TASP1: variants seen among roughly 807,000 people sequenced by gnomAD.
TASP1 encodes taspase 1, also known as threonine aspartase 1.
A neutral mutation model predicts 56.6 loss-of-function variants in TASP1; 16 were observed. The ratio of observed to expected loss-of-function variants is 0.28; its 90% CI spans 0.19 to 0.43. TASP1 has a LOEUF of 0.43. TASP1 is among the 20% of genes least tolerant of loss of function. The pLI, the probability that TASP1 is intolerant of heterozygous loss-of-function variation, is 1.00. For missense variants in TASP1, 393 were observed against 511.6 expected, an observed-to-expected ratio of 0.77 and a Z score of 2.24; for synonymous variants, 179 against 184.2, an observed-to-expected ratio of 0.97 and a Z score of 0.23.
the TASP1 span, among the ~76,000 whole-genome samples, chr20:13,211,578 T>C: frequency 7.2e-5 from 11 of 152,302 alleles, no homozygotes; most frequent in East Asian, 1.5e-3. Flanking sequence ...CACTCAGATG[T>C]TACCGTTATC....
chr20:13,498,681 C>A (rs1165370648), intron 10 of TASP1, among the ~76,000 whole-genome samples: 3 of 143,606 alleles, frequency 2.1e-5, no homozygotes, highest in African/African-American at 7.7e-5. Flanking sequence ...TACAAATGGC[C>A]AACAAACATA....
At chr20:13,322,962 G>A in the TASP1 span, among the ~76,000 whole-genome samples, 1 of 152,148 alleles carries the variant, frequency 6.6e-6, no homozygotes, top group East Asian at 1.9e-4. Flanking sequence ...GAGTCCCTGG[G>A]ATTACTGTAG....
chr20:13,321,739 A>G, the TASP1 span, among the ~76,000 whole-genome samples: 1 of 152,190 alleles, frequency 6.6e-6, no homozygotes, highest in Non-Finnish European at 1.5e-5. Context: ...TATTTTTCAC[A>G]TGTATGTACA....
chr20:13,531,275 TG>T (rs1325799753), intron 9 of TASP1, among the ~76,000 whole-genome samples: 1 of 152,026 alleles, frequency 6.6e-6, no homozygotes, highest in Non-Finnish European at 1.5e-5. Flanking sequence ...GCATGGTAAA[TG>T]GGGAGGTGGG....
chr20:13,198,306 G>A, the TASP1 span, among the ~76,000 whole-genome samples: 12 of 152,206 alleles, frequency 7.9e-5, no homozygotes, highest in African/African-American at 2.4e-4. Flanking sequence ...TGCCAATGTG[G>A]TCGGGTTCTG....
At chr20:13,476,657 T>C (rs1333391347) in intron 11 of TASP1, among the ~76,000 whole-genome samples, 2 of 152,188 alleles carry the variant, frequency 1.3e-5, no homozygotes, top group Non-Finnish European at 2.9e-5. Flanking sequence ...GTATCTTGTA[T>C]ATGCATAGCT....
chr20:13,291,775 A>G, the TASP1 span, among the ~76,000 whole-genome samples: 1 of 152,226 alleles, frequency 6.6e-6, no homozygotes, highest in East Asian at 1.9e-4. Flanking sequence ...TAGCATCCTC[A>G]GTGAGCTAGA....
At chr20:13,445,428 G>C (rs949096405) in intron 11 of TASP1, among the ~76,000 whole-genome samples, 2 of 152,138 alleles carry the variant, frequency 1.3e-5, no homozygotes, top group African/African-American at 4.8e-5. Context: ...AGAATCAGAA[G>C]GCATCTTCTT....
At chr20:13,385,725 G>A (rs2041158729), downstream of TASP1, among the ~76,000 whole-genome samples, 1 of 152,162 alleles carries the variant, frequency 6.6e-6, no homozygotes, top group South Asian at 2.1e-4. Flanking sequence ...GCCAACACAA[G>A]GTGTACTAAG....
At chr20:13,245,120 T>C in the TASP1 span, 76 of 152,362 alleles carry the variant, frequency 5.0e-4, no homozygotes, top group African/African-American at 1.8e-3. Flanking sequence ...TTCCTTCTTG[T>C]ATTGGTTATC....
the TASP1 span, among the ~76,000 whole-genome samples, chr20:13,382,039 C>T: frequency 2.0e-5 from 3 of 152,128 alleles, no homozygotes; most frequent in Admixed American, 6.6e-5. Context: ...TGCCGGCAGC[C>T]TGCTCCTCCT....
the TASP1 span, among the ~76,000 whole-genome samples, chr20:13,352,834 T>C: frequency 6.6e-6 from 1 of 152,220 alleles, no homozygotes; most frequent in Non-Finnish European, 1.5e-5. Flanking sequence ...CACCACTCTC[T>C]ATATCTACAG....
chr20:13,593,689 A>T (rs1216298545), intron 4 of TASP1, among the ~76,000 whole-genome samples: 1 of 152,196 alleles, frequency 6.6e-6, no homozygotes, highest in Non-Finnish European at 1.5e-5. Context: ...AGGTAAACGA[A>T]GTGGCTGGGA....
chr20:13,558,631 A>G (rs1170191238), intron 8 of TASP1, among the ~76,000 whole-genome samples: 1 of 152,114 alleles, frequency 6.6e-6, no homozygotes, highest in Non-Finnish European at 1.5e-5. Context: ...CAGATCAAAT[A>G]TATCTAATAA....
At chr20:13,157,889 A>T in the TASP1 span, among the ~76,000 whole-genome samples, 1 of 152,194 alleles carries the variant, frequency 6.6e-6, no homozygotes, top group African/African-American at 2.4e-5. Flanking sequence ...TTGGTCATTT[A>T]AAAACCTTTG....
chr20:13,527,611 C>T (rs761888206), intron 10 of TASP1, among the ~76,000 whole-genome samples: 10 of 151,990 alleles, frequency 6.6e-5, no homozygotes, highest in Non-Finnish European at 1.3e-4. Flanking sequence ...CCTGCACACA[C>T]GCACGCACGC....
At chr20:13,324,722 TGGTGTCAAGCCA>T in the TASP1 span, among the ~76,000 whole-genome samples, 1 of 152,234 alleles carries the variant, frequency 6.6e-6, no homozygotes, top group Non-Finnish European at 1.5e-5. Context: ...TTCTTGAGGT[TGGTGTCAAGCCA>T]GGTGTCAGGA....
chr20:13,566,147 T>TG, intron 7 of TASP1, among the ~76,000 whole-genome samples: 1 of 152,026 alleles, frequency 6.6e-6, no homozygotes, highest in Non-Finnish European at 1.5e-5. Flanking sequence ...GAGACAAAAA[T>TG]GAACTAGCCA....
chr20:13,194,011 G>C, the TASP1 span, among the ~76,000 whole-genome samples: 11 of 152,144 alleles, frequency 7.2e-5, no homozygotes, highest in African/African-American at 2.7e-4. Flanking sequence ...ATTTATGTAG[G>C]TGATACAGAA....
Sources: gnomAD v4.1 joint callset for allele counts (sites outside exome capture counted in the v4.1 genomes callset) on GRCh38, gnomAD v4.1.1 for gene constraint, MANE v1.5 for transcripts, NCBI Gene and HGNC (gene_info 2026-07-23, HGNC 2026-07-21) for gene names.